The following PTCSC3 variants were observed in gnomAD, a reference collection of about 807,000 sequenced individuals.
The protein encoded by PTCSC3 is papillary thyroid carcinoma susceptibility candidate 3, also known as papillary thyroid carcinoma susceptibility candidate 3 (non-protein coding).
rs867451450 is a variant in PTCSC3, at chr14:36,145,230, G to A, written n.322+8574C>T. ...CTGTTGATTGGAATAGTTTCAGAAG[G>A]AATGGTACCAGTTCCTCTTTGTACC... is the stretch of plus-strand genomic sequence containing the variant. On this transcript the variant is annotated intron_variant and non_coding_transcript_variant, in intron 3 of 3. Coordinates refer to ENST00000556013, the Ensembl canonical transcript of PTCSC3. 3.8e-3 allele frequency among the ~76,000 whole-genome samples: 558 copies of A among 148,462 alleles called. 18 individuals carry two copies. The highest frequency in any genetic ancestry group is 0.018 in the Middle Eastern group (5 of 278).
intron 1 of PTCSC3, chr14:36,164,064 T>A (rs1882034372): frequency 1.3e-5 from 2 of 152,224 alleles, no homozygotes; most frequent in Admixed American, 6.5e-5. Flanking sequence ...TTTCACTGAA[T>A]AGCTGAATTT....
chr14:36,166,484 A>C (rs1882089190), intron 1 of PTCSC3, among the ~76,000 whole-genome samples: 1 of 152,212 alleles, frequency 6.6e-6, no homozygotes, highest in Non-Finnish European at 1.5e-5. Context: ...CTTTCTAAGC[A>C]GGGTGTCTGA....
chr14:36,170,848 T>C (rs967445179), intron 1 of PTCSC3, among the ~76,000 whole-genome samples: 1 of 152,138 alleles, frequency 6.6e-6, no homozygotes, highest in African/African-American at 2.4e-5. Context: ...CCCTGGGCGG[T>C]TGGCACAGCA....
chr14:36,155,715 A>G (rs1881812444), intron 2 of PTCSC3, among the ~76,000 whole-genome samples: 1 of 152,130 alleles, frequency 6.6e-6, no homozygotes, highest in African/African-American at 2.4e-5. Context: ...TCACAAAATA[A>G]TCCTAAGATT....
chr14:36,149,611 A>C (rs1881677541), intron 3 of PTCSC3, among the ~76,000 whole-genome samples: 1 of 152,170 alleles, frequency 6.6e-6, no homozygotes, highest in Admixed American at 6.5e-5. Context: ...ACTTTGCCTT[A>C]TACTTCTGTA....
In PTCSC3 at chr14:36,165,722, CTTT is replaced by C. The variant is rs71448056; in HGVS notation, n.172-3042_172-3040del. 4.3e-3 allele frequency among the ~76,000 whole-genome samples: 535 copies of C among 124,782 alleles called. 3 individuals carry two copies. Among genetic ancestry groups the C allele is most frequent in the African/African-American group, 9.2e-3 (320 of 34,678 alleles). The allele number at this position is 124,782 out of a possible 152,430, so 81.9% of individuals were successfully genotyped here. On this transcript the variant is annotated intron_variant and non_coding_transcript_variant, in intron 1 of 3. Transcript: ENST00000556013. ...GTATTTCCTGATCTATTTATTTTTC[CTTT>C]TTTTTTTTTTTTTTTGTAGGAATTG...
At chr14:36,157,411 C>T (rs1410693628) in intron 2 of PTCSC3, among the ~76,000 whole-genome samples, 1 of 152,094 alleles carries the variant, frequency 6.6e-6, no homozygotes, top group African/African-American at 2.4e-5. Flanking sequence ...TAATTAGATC[C>T]CATTTGTCAA....
At chr14:36,172,983 T>G (rs904579772) in intron 1 of PTCSC3, among the ~76,000 whole-genome samples, 1 of 152,086 alleles carries the variant, frequency 6.6e-6, no homozygotes, top group African/African-American at 2.4e-5. Flanking sequence ...CTTAATAAAG[T>G]AGTTCTTAGG....
At chr14:36,137,612 C>T (rs1881317159) in intron 3 of PTCSC3, among the ~76,000 whole-genome samples, 1 of 151,896 alleles carries the variant, frequency 6.6e-6, no homozygotes, top group South Asian at 2.1e-4. Flanking sequence ...AAATGTGGAG[C>T]CCAGGAGATT....
chr14:36,139,616 T>C (rs1190042273), intron 3 of PTCSC3, among the ~76,000 whole-genome samples: 1 of 152,186 alleles, frequency 6.6e-6, no homozygotes, highest in African/African-American at 2.4e-5. Flanking sequence ...CTACATGCAA[T>C]TATGGTCCTT....
chr14:36,162,601 T>C (rs1881991080), intron 2 of PTCSC3: 1 of 152,226 alleles, frequency 6.6e-6, no homozygotes, highest in African/African-American at 2.4e-5. Flanking sequence ...GGTACCTCAG[T>C]TGGAAATGCA....
rs536609535 is a variant in PTCSC3, at chr14:36,153,184, C to T, written n.322+620G>A. ...ACAGAGAGAGAAATAATCTCTCCCTCGTCTCTTCTTATAAAGGCACTAACC... is the reference window on the plus strand; with the variant it reads ...ACAGAGAGAGAAATAATCTCTCCCTTGTCTCTTCTTATAAAGGCACTAACC... On this transcript the variant is annotated intron_variant and non_coding_transcript_variant, in intron 3 of 3. Transcript: ENST00000556013. Among the ~76,000 whole-genome samples the T allele has an allele frequency of 7.2e-5, 11 of 152,280 alleles. No homozygotes were observed. In the South Asian group the frequency reaches 2.1e-3, roughly 29 times the overall value.
At chr14:36,160,369 T>C (rs1486739762) in intron 2 of PTCSC3, among the ~76,000 whole-genome samples, 1 of 152,248 alleles carries the variant, frequency 6.6e-6, no homozygotes, top group African/African-American at 2.4e-5. Flanking sequence ...TGGTATCTGT[T>C]GTTCCTTATC....
chr14:36,143,680 A>G lies in PTCSC3; in HGVS notation n.323-7324T>C, dbSNP rs12881662. 1.8e-3 allele frequency among the ~76,000 whole-genome samples: 244 copies of G among 137,442 alleles called. 1 individual carries two copies. Among genetic ancestry groups the G allele is most frequent in the African/African-American group, 5.8e-3 (225 of 38,950 alleles). The allele number at this position is 137,442 out of a possible 152,430, so 90.2% of individuals were successfully genotyped here. A position where few individuals can be genotyped will look rare whatever the true frequency, so the allele number is the denominator to read the frequency against. On this transcript the variant is annotated intron_variant and non_coding_transcript_variant, in intron 3 of 3. Transcript: ENST00000556013. Reference sequence around the variant, plus strand: ...TAGTTTAATTAGATCCCATTTGTCAATTTTGGCTTTTGTTGCCATTGCTTT... The same window carrying G: ...TAGTTTAATTAGATCCCATTTGTCAGTTTTGGCTTTTGTTGCCATTGCTTT...
chr14:36,162,258 G>GAAAAAAAAAAAAAAA (rs58223160), intron 2 of PTCSC3, among the ~76,000 whole-genome samples: 9 of 106,548 alleles, frequency 8.4e-5, no homozygotes, highest in African/African-American at 3.4e-4. Context: ...CTGGGGTATG[G>GAAAAAAAAAAAAAAA]AAAAAAAAAA....
intron 3 of PTCSC3, among the ~76,000 whole-genome samples, chr14:36,147,982 AG>A (rs1306444084): frequency 6.6e-6 from 1 of 152,012 alleles, no homozygotes; most frequent in Non-Finnish European, 1.5e-5. Flanking sequence ...CTCGGGGGTC[AG>A]GGGTCAGGGA....
chr14:36,171,847 G>A (rs1278434560), intron 1 of PTCSC3, among the ~76,000 whole-genome samples: 2 of 152,126 alleles, frequency 1.3e-5, no homozygotes, highest in Non-Finnish European at 2.9e-5. Context: ...TCTTGACATA[G>A]ATGACCATAC....
At chr14:36,155,999 T>A (rs1394318830) in intron 2 of PTCSC3, among the ~76,000 whole-genome samples, 1 of 151,984 alleles carries the variant, frequency 6.6e-6, no homozygotes, top group Non-Finnish European at 1.5e-5. Flanking sequence ...TCCAAAATCA[T>A]GCTCTGCATG....
intron 3 of PTCSC3, among the ~76,000 whole-genome samples, chr14:36,146,918 A>G (rs1399192432): frequency 1.3e-5 from 2 of 152,166 alleles, no homozygotes; most frequent in Admixed American, 6.5e-5. Context: ...TCCTTTGCTT[A>G]TGAAGCTTAG....
Sources: gnomAD v4.1 joint callset for allele counts (sites outside exome capture counted in the v4.1 genomes callset) on GRCh38, gnomAD v4.1.1 for gene constraint, MANE v1.5 for transcripts, NCBI Gene and HGNC (gene_info 2026-07-23, HGNC 2026-07-21) for gene names.